The following TMEM178B variants were observed in gnomAD, a reference collection of about 807,000 sequenced individuals.
TMEM178B encodes transmembrane protein 178B.
TMEM178B carries 5 observed loss-of-function variants against 31.0 expected under a neutral mutation model. The ratio of observed to expected loss-of-function variants is 0.16; its 90% CI spans 0.08 to 0.34. The LOEUF is 0.34. Among genes scored for constraint, TMEM178B ranks in the 10% least tolerant of loss-of-function variants. The pLI is 1.00. For missense variants in TMEM178B, 275 were observed against 400.3 expected, an observed-to-expected ratio of 0.69 and a Z score of 2.67; for synonymous variants, 164 against 164.0, an observed-to-expected ratio of 1.00 and a Z score of 0.00.
At chr7:141,288,105 C>T (rs952046855) in intron 2 of TMEM178B, among the ~76,000 whole-genome samples, 3 of 152,130 alleles carry the variant, frequency 2.0e-5, no homozygotes, top group Non-Finnish European at 4.4e-5. Flanking sequence ...GGTTGGGGAC[C>T]CCTCCTCCCC....
rs1554478744 is a variant in TMEM178B, at chr7:141,349,995, C to CCATCCATCCATG, written c.497-87610_497-87609insCCATCCATGCAT. Among the ~76,000 whole-genome samples the CCATCCATCCATG allele has an allele frequency of 9.2e-4, 140 of 151,484 alleles. 2 individuals carry two copies. Among genetic ancestry groups the CCATCCATCCATG allele is most frequent in the African/African-American group, 3.3e-3 (135 of 41,194 alleles). ...TCCATCCATCCATCCATCCATCCATCCATGCATGCATCCATCCATGCATCT... is the reference window on the plus strand; with the variant it reads ...TCCATCCATCCATCCATCCATCCATCCATCCATCCATGCATGCATGCATCCATCCATGCATCT... On this transcript the variant is annotated intron_variant, in intron 2 of 3. Transcript: ENST00000565468.
At chr7:141,092,454 A>G (rs930287853) in intron 1 of TMEM178B, among the ~76,000 whole-genome samples, 1 of 152,206 alleles carries the variant, frequency 6.6e-6, no homozygotes, top group Non-Finnish European at 1.5e-5. Context: ...TCCTAGGTCC[A>G]TATGAACTGA....
At chr7:141,493,094 T>C in the TMEM178B span, among the ~76,000 whole-genome samples, 8 of 152,286 alleles carry the variant, frequency 5.3e-5, no homozygotes, top group African/African-American at 1.7e-4. Flanking sequence ...TGACCAGCCA[T>C]GGGCAGCTGA....
chr7:141,321,886 G>A (rs1302497047), intron 2 of TMEM178B, among the ~76,000 whole-genome samples: 1 of 151,770 alleles, frequency 6.6e-6, no homozygotes, highest in African/African-American at 2.4e-5. Context: ...GATGCTACAG[G>A]ACCCAGGAGG....
At chr7:141,075,064 T>C (rs1421483096) in intron 1 of TMEM178B, among the ~76,000 whole-genome samples, 1 of 152,200 alleles carries the variant, frequency 6.6e-6, no homozygotes, top group African/African-American at 2.4e-5. Flanking sequence ...GTAGACAGGT[T>C]CCTAATTTTT....
chr7:141,503,131 T>C, the TMEM178B span, among the ~76,000 whole-genome samples: 8 of 152,308 alleles, frequency 5.3e-5, no homozygotes, highest in Admixed American at 4.6e-4. Context: ...TGAATTTCCA[T>C]GTGGAAGGTT....
intron 1 of TMEM178B, among the ~76,000 whole-genome samples, chr7:141,142,044 A>G (rs1357152290): frequency 2.0e-5 from 3 of 152,218 alleles, no homozygotes; most frequent in African/African-American, 7.2e-5. Flanking sequence ...TACTGAGCAT[A>G]GTATCCAATA....
intron 2 of TMEM178B, among the ~76,000 whole-genome samples, chr7:141,347,286 T>C (rs750415928): frequency 2.6e-5 from 4 of 152,310 alleles, no homozygotes; most frequent in South Asian, 2.1e-4. Context: ...CAGGTTCTAC[T>C]TAGATTTTCC....
intron 2 of TMEM178B, among the ~76,000 whole-genome samples, chr7:141,296,672 A>C (rs2116432689): frequency 6.6e-6 from 1 of 152,338 alleles, no homozygotes; most frequent in Admixed American, 6.5e-5. Flanking sequence ...CGCGGTTGTA[A>C]GAAAAGGCAC....
At chr7:141,257,743 A>T (rs1048610277) in intron 2 of TMEM178B, among the ~76,000 whole-genome samples, 2 of 151,880 alleles carry the variant, frequency 1.3e-5, no homozygotes, top group African/African-American at 2.4e-5. Context: ...TTTTATTTTT[A>T]AATTTTTATT....
intron 1 of TMEM178B, among the ~76,000 whole-genome samples, chr7:141,195,958 T>A (rs917486396): frequency 2.0e-5 from 3 of 152,086 alleles, no homozygotes; most frequent in Non-Finnish European, 2.9e-5. Context: ...AAAGACCGGA[T>A]CCCATGATTC....
At chr7:141,238,095 C>T (rs1203113817) in intron 2 of TMEM178B, among the ~76,000 whole-genome samples, 1 of 151,642 alleles carries the variant, frequency 6.6e-6, no homozygotes, top group African/African-American at 2.4e-5. Flanking sequence ...CTGTAAAACC[C>T]AGTCCCAAGC....
At chr7:141,325,671 C>T (rs754106937) in intron 2 of TMEM178B, among the ~76,000 whole-genome samples, 21 of 152,196 alleles carry the variant, frequency 1.4e-4, no homozygotes, top group Non-Finnish European at 2.2e-4. Flanking sequence ...TTTCTTTACA[C>T]TGGTCCATGT....
At chr7:141,466,921 G>A (rs1171541839) in intron 3 of TMEM178B, among the ~76,000 whole-genome samples, 1 of 152,114 alleles carries the variant, frequency 6.6e-6, no homozygotes, top group Non-Finnish European at 1.5e-5. Context: ...TGGTCTGCTG[G>A]AATCTGGTTT....
chr7:141,399,008 G>A (rs1008624345), intron 2 of TMEM178B, among the ~76,000 whole-genome samples: 4 of 152,208 alleles, frequency 2.6e-5, no homozygotes, highest in Admixed American at 6.5e-5. Context: ...AGTATCAAGC[G>A]GTAATCAGTG....
intron 2 of TMEM178B, among the ~76,000 whole-genome samples, chr7:141,302,327 A>G (rs217031): frequency 0.099 from 15,116 of 152,290 alleles, 1,110 homozygotes; most frequent in African/African-American, 0.2. Flanking sequence ...AGTGACATAA[A>G]TTAGTCACAA....
intron 1 of TMEM178B, among the ~76,000 whole-genome samples, chr7:141,079,227 C>T (rs895153366): frequency 1.3e-5 from 2 of 152,128 alleles, no homozygotes; most frequent in Non-Finnish European, 1.5e-5. Flanking sequence ...GTAGAGGTTG[C>T]GGTGATCTGG....
chr7:141,115,159 C>T (rs185007418), intron 1 of TMEM178B, among the ~76,000 whole-genome samples: 264 of 152,300 alleles, frequency 1.7e-3, no homozygotes, highest in African/African-American at 5.9e-3. Flanking sequence ...TCTCCTGCCT[C>T]AACCTCCCGA....
At position 141,332,566 on chromosome 7, in the gene TMEM178B, G is replaced by T. The variant is rs542598565; in HGVS notation, c.497-105042G>T. Among the ~76,000 whole-genome samples the T allele has an allele frequency of 6.6e-4, 100 of 152,254 alleles. 1 individual carries two copies. In the South Asian group the frequency reaches 0.02, roughly 30 times the overall value. On this transcript the variant is annotated intron_variant, in intron 2 of 3. Transcript: ENST00000565468. The stretch of plus-strand genomic sequence containing the variant: ...AGCTCCCTCATCATGTGAATGTCAC[G>T]GGAATGTCTGTGAAGGTTTTCAAGC...
Sources: allele counts gnomAD v4.1 joint callset (sites outside exome capture counted in the v4.1 genomes callset), GRCh38; gene constraint gnomAD v4.1.1; transcripts MANE v1.5; gene names NCBI Gene and HGNC (gene_info 2026-07-23, HGNC 2026-07-21).